DNAH7: variants seen among roughly 807,000 people sequenced by gnomAD.
DNAH7 encodes dynein axonemal heavy chain 7.
A neutral mutation model predicts 444.6 loss-of-function variants in DNAH7; 397 were observed. The ratio of observed to expected loss-of-function variants is 0.89; its 90% CI spans 0.82 to 0.97. DNAH7 has a LOEUF of 0.97. Among genes scored for constraint, DNAH7 ranks in the 50% least tolerant of loss-of-function variants. The pLI, the probability that DNAH7 is intolerant of heterozygous loss-of-function variation, is 0.00. For synonymous variants in DNAH7, 1,636 were observed against 1,624.4 expected (o/e 1.01, Z -0.17); for missense variants, 4,902 against 4,800.8 (o/e 1.02, Z -0.62).
intron 41 of DNAH7, among the ~76,000 whole-genome samples, chr2:195,863,138 A>G (rs1325998630): frequency 6.6e-6 from 1 of 152,236 alleles, no homozygotes; most frequent in Non-Finnish European, 1.5e-5. Flanking sequence ...GCTCAAGGAG[A>G]GCAGAGGTCT....
chr2:195,824,489 A>T (rs1242937945), intron 48 of DNAH7, 44 bp from the exon 49 acceptor site: 3 of 1,471,328 alleles, frequency 2.0e-6, no homozygotes, highest in Non-Finnish European at 2.7e-6. Flanking sequence ...TTAAATATTG[A>T]CTATAAATAT....
At chr2:195,821,700 A>G (rs1697481695) in intron 49 of DNAH7, among the ~76,000 whole-genome samples, 1 of 152,114 alleles carries the variant, frequency 6.6e-6, no homozygotes, top group Admixed American at 6.5e-5. Flanking sequence ...GAAATCTTAG[A>G]CCTTTCCCGG....
intron 20 of DNAH7, among the ~76,000 whole-genome samples, chr2:195,936,234 C>T (rs1689042518): frequency 6.6e-6 from 1 of 152,084 alleles, no homozygotes; most frequent in African/African-American, 2.4e-5. Context: ...ATTAGCTGGG[C>T]ATGGTGGCGC....
chr2:195,776,443 C>CA (rs987304901), intron 59 of DNAH7, among the ~76,000 whole-genome samples: 11 of 125,804 alleles, frequency 8.7e-5, no homozygotes, highest in Admixed American at 3.3e-4. Context: ...AACTCCATCT[C>CA]AAAAAAAAAG....
At chr2:195,800,147 C>G (rs1696375930) in intron 54 of DNAH7, among the ~76,000 whole-genome samples, 1 of 152,142 alleles carries the variant, frequency 6.6e-6, no homozygotes, top group African/African-American at 2.4e-5. Context: ...AGGGTCTACA[C>G]CAAGCCATTT....
intron 54 of DNAH7, among the ~76,000 whole-genome samples, chr2:195,801,455 C>A (rs1196661394): frequency 6.6e-6 from 1 of 152,046 alleles, no homozygotes; most frequent in Admixed American, 6.6e-5. Context: ...CAAAAGCATA[C>A]CAGTTTCAGA....
At chr2:195,741,442 T>C (rs1693026736) in intron 63 of DNAH7, among the ~76,000 whole-genome samples, 1 of 152,154 alleles carries the variant, frequency 6.6e-6, no homozygotes, top group South Asian at 2.1e-4. Context: ...AGCTAAAGAG[T>C]ACAATTTAGG....
At chr2:196,019,377 A>T in intron 8 of DNAH7, 82 bp from the exon 9 acceptor site, 1 of 1,129,456 alleles carries the variant, frequency 8.9e-7, no homozygotes, top group Non-Finnish European at 1.2e-6. Context: ...ATAATTATTT[A>T]ATTTTAATAA....
intron 9 of DNAH7, among the ~76,000 whole-genome samples, chr2:196,018,751 G>C (rs1003344189): frequency 6.6e-6 from 1 of 152,088 alleles, no homozygotes; most frequent in Non-Finnish European, 1.5e-5. Context: ...CCTAGTATTT[G>C]ATAGCACAAC....
chr2:195,841,349 A>G lies in DNAH7; in HGVS notation c.8945+3653T>C, dbSNP rs577838791. Among the ~76,000 whole-genome samples, 3 of 151,946 alleles carry G rather than the reference A, an allele frequency of 2.0e-5. No individual in the cohort carries two copies. The South Asian group carries it at 6.2e-4, about 31-fold the overall frequency. On this transcript the variant is annotated intron_variant, in intron 47 of 64. Coordinates refer to ENST00000312428, the MANE Select transcript of DNAH7 (RefSeq NM_018897.3). ...GTTGTTCCATATCCAGTTAATAACT[A>G]TATCAAACTTATTTTTCCCAGACAA...
chr2:195,974,614 T>C (rs1692059111), intron 15 of DNAH7, among the ~76,000 whole-genome samples: 1 of 152,188 alleles, frequency 6.6e-6, no homozygotes, highest in Admixed American at 6.5e-5. Context: ...CAAAGGAATT[T>C]TCCTTTAATG....
At chr2:195,883,449 G>GCCCCC (rs1203503298) in intron 35 of DNAH7, among the ~76,000 whole-genome samples, 54 of 135,884 alleles carry the variant, frequency 4.0e-4, no homozygotes, top group African/African-American at 1.6e-3. Context: ...CTCAGTCCCC[G>GCCCCC]CTCCCCCCCC....
At chr2:195,886,482 G>A (rs964066352) in intron 33 of DNAH7, among the ~76,000 whole-genome samples, 3 of 152,014 alleles carry the variant, frequency 2.0e-5, no homozygotes, top group African/African-American at 4.8e-5. Flanking sequence ...CTTTCGCATC[G>A]ATTCTCAAGT....
Position 195,787,160 on chromosome 2 carries a change from C to G in DNAH7, c.10728G>C (p.Lys3576Asn). The change falls in exon 58 of 65, where the codon AAG becomes AAC. Residue 3576 changes from lysine to asparagine, a missense_variant. By Grantham distance (94) the Lys-to-Asn change is moderately conservative (BLOSUM62 0). Transcript: ENST00000312428. ...FGSCKKPEEF[K>N]KLLYGLCFFH... ...AGAAACACAGGCCATAAAGCAATTT[C>G]TTGAATTCCTCCTGTAATGAGAAGA... 1 of 1,599,564 alleles carries G rather than the reference C, an allele frequency of 6.3e-7. No individual in the cohort carries two copies. The highest frequency in any genetic ancestry group is 8.5e-7 in the Non-Finnish European group (1 of 1,176,108).
In DNAH7 at chr2:195,864,667, G is replaced by A; in HGVS notation, c.6988C>T (p.Leu2330=). 6.2e-7 allele frequency: 1 copy of A among 1,614,180 alleles called. No individual in the cohort carries two copies. Among genetic ancestry groups the A allele is most frequent in the African/African-American group, 1.3e-5 (1 of 75,060 alleles). Residue 2330 remains leucine, a synonymous_variant, in exon 41 of 65, where the codon CTG becomes TTG. Transcript: ENST00000312428. The part of the protein sequence containing the change: ...IEHISRISRI[L]KQPRSHALLV... Reference sequence around the variant, plus strand: ...AGAGCATGGCTGCGAGGCTGCTTCAGGATCCTGGAAATTCTGCTGATGTGC... The same window carrying A: ...AGAGCATGGCTGCGAGGCTGCTTCAAGATCCTGGAAATTCTGCTGATGTGC...
chr2:195,818,339 A>G (rs553953751), intron 49 of DNAH7, among the ~76,000 whole-genome samples: 1 of 152,226 alleles, frequency 6.6e-6, no homozygotes. Flanking sequence ...TATTTTTACA[A>G]TCTGATAATC....
At chr2:195,846,392 G>A (rs1699003682) in intron 46 of DNAH7, among the ~76,000 whole-genome samples, 1 of 152,202 alleles carries the variant, frequency 6.6e-6, no homozygotes, top group African/African-American at 2.4e-5. Flanking sequence ...AAATGGGACT[G>A]CTTATACACA....
intron 22 of DNAH7, among the ~76,000 whole-genome samples, chr2:195,924,259 A>T (rs1334700062): frequency 6.6e-6 from 1 of 152,170 alleles, no homozygotes; most frequent in South Asian, 2.1e-4. Context: ...TCTGCTCTAC[A>T]GAATAAAGCC....
At chr2:195,906,585 C>A in intron 27 of DNAH7, 74 bp downstream of exon 27, 1 of 1,460,460 alleles carries the variant, frequency 6.8e-7, no homozygotes, top group Non-Finnish European at 9.3e-7. Context: ...TTAGCCACCA[C>A]GCCCAGCTCT....
Sources: allele counts gnomAD v4.1 joint callset (sites outside exome capture counted in the v4.1 genomes callset), GRCh38; gene constraint gnomAD v4.1.1; transcripts MANE v1.5; gene names NCBI Gene and HGNC (gene_info 2026-07-23, HGNC 2026-07-21).